CHST15: variants seen among roughly 807,000 people sequenced by gnomAD.
CHST15 encodes the protein carbohydrate sulfotransferase 15, also known as B cell RAG associated protein (GALNAC4S-6ST).
A neutral mutation model predicts 53.6 loss-of-function variants in CHST15; 30 were observed. The observed-to-expected ratio is 0.56, with a 90% CI of 0.42 to 0.76. CHST15 has a LOEUF of 0.76. Ranked by LOEUF, CHST15 falls within the 30% of genes least tolerant of loss-of-function variation. The probability of loss-of-function intolerance (pLI) is 0.00; values close to 1 mark genes in which losing one functional copy is unlikely to be tolerated. For synonymous variants in CHST15, 296 were observed against 289.8 expected (o/e 1.02, Z -0.22); for missense variants, 627 against 740.5 (o/e 0.85, Z 1.78).
intron 1 of CHST15, among the ~76,000 whole-genome samples, chr10:124,051,937 C>A (rs1948215797): frequency 6.6e-6 from 1 of 152,078 alleles, no homozygotes; most frequent in Admixed American, 6.5e-5. Flanking sequence ...GCTGATATAG[C>A]AGAAGAAAGA....
At chr10:124,044,962 T>C in intron 2 of CHST15, 43 bp from the exon 3 acceptor site, 1 of 1,354,454 alleles carries the variant, frequency 7.4e-7, no homozygotes, top group East Asian at 2.7e-5. Flanking sequence ...GAGGGGAAAA[T>C]GAGCAAAGAC....
intron 5 of CHST15, among the ~76,000 whole-genome samples, chr10:124,035,432 CTCTACCCCCTAACAGGGACCCTGGT>C (rs1947455081): frequency 6.8e-6 from 1 of 147,128 alleles, no homozygotes; most frequent in Non-Finnish European, 1.5e-5. Context: ...GGGACCCTGG[CTCTACCCCCTAACAGGGACCCTGGT>C]TCCACCCCCT....
chr10:124,039,247 C>T (rs1330611759), intron 4 of CHST15, among the ~76,000 whole-genome samples: 1 of 152,198 alleles, frequency 6.6e-6, no homozygotes, highest in African/African-American at 2.4e-5. Context: ...CTTGACATTT[C>T]TGCCCAGGAT....
chr10:124,027,733 T>C (rs896379235), intron 5 of CHST15, among the ~76,000 whole-genome samples: 1 of 152,122 alleles, frequency 6.6e-6, no homozygotes, highest in Non-Finnish European at 1.5e-5. Context: ...GCCACCCCAT[T>C]TTACTGGGGG....
chr10:124,072,610 C>G (rs1948953351), intron 1 of CHST15, among the ~76,000 whole-genome samples: 1 of 152,278 alleles, frequency 6.6e-6, no homozygotes, highest in East Asian at 1.9e-4. Flanking sequence ...AAAACCCAGG[C>G]CAGCTACCAG....
chr10:124,023,435 T>C (rs1214088485), intron 5 of CHST15, among the ~76,000 whole-genome samples: 3 of 150,524 alleles, frequency 2.0e-5, no homozygotes, highest in Non-Finnish European at 4.4e-5. Flanking sequence ...CAGTGAGCCG[T>C]GATCATGCCA....
At chr10:124,052,712 G>A (rs1948241849) in intron 1 of CHST15, among the ~76,000 whole-genome samples, 1 of 152,172 alleles carries the variant, frequency 6.6e-6, no homozygotes, top group Non-Finnish European at 1.5e-5. Context: ...TAAGCATTCA[G>A]TGAACTCATT....
chr10:124,073,702 G>A (rs996453329), intron 1 of CHST15, among the ~76,000 whole-genome samples: 5 of 152,232 alleles, frequency 3.3e-5, no homozygotes, highest in Non-Finnish European at 7.3e-5. Context: ...ATGCAGGCTG[G>A]TCCTTGCGCC....
chr10:124,018,469 T>C (rs1946659946), intron 6 of CHST15, among the ~76,000 whole-genome samples: 1 of 152,218 alleles, frequency 6.6e-6, no homozygotes. Flanking sequence ...TAAAGGGAAA[T>C]TATCTCATGG....
intron 5 of CHST15, among the ~76,000 whole-genome samples, chr10:124,035,131 C>T (rs1424790778): frequency 4.9e-4 from 67 of 136,714 alleles, no homozygotes; most frequent in Non-Finnish European, 7.4e-4. Flanking sequence ...CTAACAGGGA[C>T]CCCGGCTCCG....
rs41297147 is a variant in CHST15 at position 124,045,799 on chromosome 10, G to A, written c.414C>T (p.Ser138=). ...TCATGTATGAAATATTATTTACAGAGGATTGGTGGTGATGCTCCTTTGTGT... is the reference window on the plus strand; with the variant it reads ...TCATGTATGAAATATTATTTACAGAAGATTGGTGGTGATGCTCCTTTGTGT... ...PSDTKEHHHQ[S]SVNNISYMKD... The change falls in exon 2 of 8, where the codon TCC becomes TCT. Residue 138 remains serine, a synonymous_variant. Coordinates refer to ENST00000435907, the MANE Select transcript of CHST15 (RefSeq NM_001270764.2). 3.6e-3 allele frequency: 5,807 copies of A among 1,614,084 alleles called. 19 individuals are homozygous for A. Among genetic ancestry groups the A allele is most frequent in the Middle Eastern group, 9.4e-3 (57 of 6,062 alleles).
intron 7 of CHST15, chr10:124,011,645 C>T (rs1946420111): frequency 1.0e-6 from 1 of 985,332 alleles, no homozygotes; most frequent in African/African-American, 1.7e-5. Context: ...CAGCACATGC[C>T]TCTGCCAGCC....
intron 4 of CHST15, 42 bp downstream of exon 4, chr10:124,042,259 A>G (rs775309382): frequency 6.3e-7 from 1 of 1,577,982 alleles, no homozygotes; most frequent in South Asian, 1.1e-5. Context: ...CCAGGACCCC[A>G]GGGAGGGTGC....
chr10:124,072,953 C>T (rs74379224), intron 1 of CHST15, among the ~76,000 whole-genome samples: 2,154 of 152,280 alleles, frequency 0.014, 72 homozygotes, highest in East Asian at 0.11. Context: ...GGGAGTCAGT[C>T]TCACCTTACA....
chr10:124,015,870 G>A (rs1350903107), intron 6 of CHST15, among the ~76,000 whole-genome samples: 1 of 152,228 alleles, frequency 6.6e-6, no homozygotes, highest in East Asian at 1.9e-4. Flanking sequence ...AGTAAAGCAA[G>A]CCCTGGAGCA....
chr10:124,011,483 T>C, intron 7 of CHST15: 10 of 985,440 alleles, frequency 1.0e-5, no homozygotes, highest in Non-Finnish European at 1.2e-5. Context: ...GCAGATATAT[T>C]TTCAGAAATA....
At chr10:124,055,160 C>G (rs1299171978) in intron 1 of CHST15, among the ~76,000 whole-genome samples, 1 of 152,232 alleles carries the variant, frequency 6.6e-6, no homozygotes, top group Non-Finnish European at 1.5e-5. Flanking sequence ...TGTTCTGTCT[C>G]TTCTGAAATG....
In CHST15 at chr10:124,008,593, T is replaced by A; in HGVS notation, c.*1556A>T. Reference sequence around the variant, plus strand: ...TGCACACCTTCGAACGGGCTGTGTGTCCCTTCTCTGATGGCAGAAAGACAA... The same window carrying A: ...TGCACACCTTCGAACGGGCTGTGTGACCCTTCTCTGATGGCAGAAAGACAA... On this transcript the variant is annotated 3_prime_UTR_variant, in exon 8 of 8. Coordinates refer to ENST00000435907, the MANE Select transcript of CHST15 (RefSeq NM_001270764.2). 1 of 1,030,192 alleles carries A rather than the reference T, an allele frequency of 9.7e-7. No homozygotes were observed. Among genetic ancestry groups the A allele is most frequent in the Non-Finnish European group, 1.2e-6 (1 of 854,696 alleles). The allele number at this position is 1,030,192 out of a possible 1,614,324, so 63.8% of individuals were successfully genotyped here. A position where few individuals can be genotyped will look rare whatever the true frequency, so the allele number is the denominator to read the frequency against.
At position 124,074,796 on chromosome 10, in the gene CHST15, G is replaced by T. The variant is rs1457522589; in HGVS notation, c.-513+18673C>A. Among the ~76,000 whole-genome samples, 2 of 152,168 alleles carry T rather than the reference G, an allele frequency of 1.3e-5. No individual in the cohort carries two copies. The highest frequency in any genetic ancestry group is 4.8e-5 in the African/African-American group (2 of 41,418). The stretch of plus-strand genomic sequence containing the variant: ...TCACCTCCTAGACTCTAACCTCCAT[G>T]AGGACAGGACCTGGGCATGTCTCAC... On this transcript the variant is annotated intron_variant, in intron 1 of 7. Coordinates refer to ENST00000435907, the MANE Select transcript of CHST15 (RefSeq NM_001270764.2). The surrounding 1 kb of genome is among the most constrained non-coding windows in gnomAD (Gnocchi z 4.4).
Sources: allele counts gnomAD v4.1 joint callset (sites outside exome capture counted in the v4.1 genomes callset), GRCh38; gene constraint gnomAD v4.1.1; non-coding constraint Gnocchi (gnomAD v3.1); transcripts MANE v1.5; gene names NCBI Gene and HGNC (gene_info 2026-07-23, HGNC 2026-07-21).